CEP104: variants seen among roughly 807,000 people sequenced by gnomAD.
CEP104 encodes the protein centrosomal protein of 104 kDa.
A neutral mutation model predicts 113.3 loss-of-function variants in CEP104; 84 were observed. That is an observed-to-expected ratio of 0.74 (90% CI 0.62 to 0.89). The LOEUF is 0.89. Ranked by LOEUF, CEP104 falls within the 40% of genes least tolerant of loss-of-function variation. The pLI, the probability that CEP104 is intolerant of heterozygous loss-of-function variation, is 0.00. For synonymous variants in CEP104, 378 were observed against 421.7 expected, an observed-to-expected ratio of 0.90 and a Z score of 1.27; for missense variants, 1,053 against 1,156.6, an observed-to-expected ratio of 0.91 and a Z score of 1.30.
At chr1:3,833,815 AAT>A (rs1394797040) in intron 12 of CEP104, 45 bp downstream of exon 12, 1 of 1,576,678 alleles carries the variant, frequency 6.3e-7, no homozygotes, top group African/African-American at 1.3e-5. Flanking sequence ...GAGCTACAGG[AAT>A]ATGTTTATCA....
intron 20 of CEP104, among the ~76,000 whole-genome samples, chr1:3,820,326 TA>T (rs1643946183): frequency 6.6e-6 from 1 of 152,058 alleles, no homozygotes; most frequent in Non-Finnish European, 1.5e-5. Context: ...GGAGGACAAG[TA>T]AAGGTAACAA....
intron 14 of CEP104, 135 bp from the exon 15 acceptor site, chr1:3,829,508 G>A (rs777854593): frequency 2.9e-6 from 2 of 700,472 alleles, no homozygotes; most frequent in Non-Finnish European, 4.7e-6. Flanking sequence ...GTTAGAATAA[G>A]TCTTTTCCAT....
chr1:3,821,927 C>G (rs1164029656), intron 20 of CEP104, among the ~76,000 whole-genome samples: 3 of 152,216 alleles, frequency 2.0e-5, no homozygotes, highest in Non-Finnish European at 4.4e-5. Context: ...TCAGATGCTT[C>G]TGACCTGATG....
chr1:3,825,819 C>A lies in CEP104; in HGVS notation c.2303G>T (p.Gly768Val). 1 of 1,614,046 alleles carries A rather than the reference C, an allele frequency of 6.2e-7. No homozygotes were observed. The highest frequency in any genetic ancestry group is 8.5e-7 in the Non-Finnish European group (1 of 1,179,888). The change falls in exon 18 of 22, where the codon GGT (glycine) becomes GTT (valine). Residue 768 changes from glycine (G) to valine (V), a missense_variant. By Grantham distance (109) the Gly-to-Val change is moderately radical (BLOSUM62 -3). Coordinates refer to ENST00000378230, the MANE Select transcript of CEP104 (RefSeq NM_014704.4). ...GTGCTTCCAGTAGTGGAGATCCAGA[C>A]CTTCCTCTGTGAAGGATTCACTCCT... is the stretch of plus-strand genomic sequence containing the variant. ...GERSESFTEE[G>V]LDLHYWKHCL...
intron 12 of CEP104, chr1:3,833,583 C>T (rs1030725562): frequency 3.1e-6 from 1 of 317,996 alleles, no homozygotes; most frequent in Non-Finnish European, 5.7e-6. Context: ...CAGATTTTCT[C>T]TTTTGATATC....
At chr1:3,816,496 G>A (rs1643883262) in intron 20 of CEP104, 126 bp from the exon 21 acceptor site, 1 of 675,116 alleles carries the variant, frequency 1.5e-6, no homozygotes, top group East Asian at 2.8e-5. Context: ...AGCCGCAGAA[G>A]AACGGCTCCC....
chr1:3,831,679 G>T (rs1399978713), intron 12 of CEP104, among the ~76,000 whole-genome samples: 1 of 152,202 alleles, frequency 6.6e-6, no homozygotes, highest in Non-Finnish European at 1.5e-5. Context: ...TGGAAAAAAT[G>T]TAAGTACCAT....
Position 3,847,628 on chromosome 1 carries a change from A to T in CEP104, c.288-15T>A. On this transcript the variant is annotated splice_polypyrimidine_tract_variant and intron_variant, in intron 3 of 21. Coordinates refer to ENST00000378230, the MANE Select transcript of CEP104 (RefSeq NM_014704.4). ...GAGACACGTAGCTGAAAAACAAAAC[A>T]CAACTGAAGAATTTGAAAATGTGCT... 3 of 1,614,028 alleles carry T rather than the reference A, an allele frequency of 1.9e-6. No individual in the cohort carries two copies. The highest frequency in any genetic ancestry group is 2.5e-6 in the Non-Finnish European group (3 of 1,179,958).
chr1:3,837,201 A>C, intron 9 of CEP104, 91 bp downstream of exon 9: 1 of 1,050,858 alleles, frequency 9.5e-7, no homozygotes, highest in East Asian at 2.6e-5. Flanking sequence ...GCACTCATGC[A>C]CCCCATGCAT....
intron 11 of CEP104, 47 bp from the exon 12 acceptor site, chr1:3,834,082 C>T: frequency 6.9e-7 from 1 of 1,441,888 alleles, no homozygotes; most frequent in Non-Finnish European, 9.7e-7. Flanking sequence ...GGTGCAATTC[C>T]ACCAAGAGGA....
At chr1:3,840,549 A>AT (rs1210420244) in intron 6 of CEP104, among the ~76,000 whole-genome samples, 2 of 148,382 alleles carry the variant, frequency 1.3e-5, no homozygotes, top group Non-Finnish European at 3.0e-5. Context: ...GTATTTTTTT[A>AT]TTTTTTTCTT....
rs1256398996 is a variant in CEP104, at chr1:3,823,801, A to G, written c.2365-239T>C. On this transcript the variant is annotated intron_variant, in intron 18 of 21. Transcript: ENST00000378230. The surrounding 1 kb of genome is among the most constrained non-coding windows in gnomAD (Gnocchi z 4.1). The stretch of plus-strand genomic sequence containing the variant: ...GTCATCTTAGCATCGGGCAGGGGCC[A>G]CTGTCAAGGATGGGGAAGCTACGGT... 6.6e-6 allele frequency among the ~76,000 whole-genome samples: 1 copy of G among 152,188 alleles called. No homozygotes were observed. Among genetic ancestry groups the G allele is most frequent in the Non-Finnish European group, 1.5e-5 (1 of 68,030 alleles).
intron 2 of CEP104, among the ~76,000 whole-genome samples, chr1:3,850,541 G>A (rs1278418262): frequency 1.3e-5 from 2 of 152,148 alleles, no homozygotes; most frequent in Non-Finnish European, 2.9e-5. Flanking sequence ...TAACCGCCCC[G>A]TCAGTGTCTC....
At chr1:3,835,337 A>C (rs1369723089) in intron 10 of CEP104, among the ~76,000 whole-genome samples, 4 of 152,358 alleles carry the variant, frequency 2.6e-5, no homozygotes, top group African/African-American at 7.2e-5. Context: ...AAATTCTCCA[A>C]GAGAAATATT....
chr1:3,815,398 CGCGTCAGCGCTTG>C lies in CEP104; in HGVS notation c.2769_*3del, dbSNP rs1643865154. 1.9e-6 allele frequency: 3 copies of C among 1,601,488 alleles called. No individual in the cohort carries two copies. In the African/African-American group the frequency reaches 4.0e-5, roughly 21 times the overall value. On this transcript the variant is annotated stop_lost and 3_prime_UTR_variant, in exon 22 of 22. Transcript: ENST00000378230. ...CACAGAGACCAAGGAGCCCGAGCGC[CGCGTCAGCGCTTG>C]GCGTACGTCCTGCTGGAGCTCTTGC...
intron 6 of CEP104, among the ~76,000 whole-genome samples, chr1:3,840,530 G>A (rs545893038): frequency 3.8e-4 from 57 of 151,734 alleles, no homozygotes; most frequent in African/African-American, 1.3e-3. Context: ...GAGCCACTGC[G>A]CCCAGCCTGT....
In CEP104 at chr1:3,848,779, A is replaced by C. The variant is rs1269936622; in HGVS notation, c.116T>G (p.Phe39Cys). The C allele has an allele frequency of 6.2e-7, 1 of 1,606,170 alleles. No individual in the cohort carries two copies. Among genetic ancestry groups the C allele is most frequent in the Non-Finnish European group, 8.5e-7 (1 of 1,177,906 alleles). ...PTVSGWRSPRFCQFPQEIVLQ... is the reference protein window; with the variant it reads ...PTVSGWRSPRCCQFPQEIVLQ... The stretch of plus-strand genomic sequence containing the variant: ...GACAATTTCTTGTGGAAACTGGCAA[A>C]ATCTGAAAGCAAACACATTTTTATA... Residue 39 changes from phenylalanine (F) to cysteine (C), a missense_variant and splice_region_variant, in exon 3 of 22, where the codon TTT becomes TGT. By Grantham distance (205) the Phe-to-Cys change is radical (BLOSUM62 -2). Transcript: ENST00000378230.
intron 10 of CEP104, 30 bp from the exon 11 acceptor site, chr1:3,835,122 A>G (rs1644285840): frequency 6.2e-7 from 1 of 1,600,596 alleles, no homozygotes; most frequent in Admixed American, 1.7e-5. Context: ...ATTTCATGGC[A>G]TCACACAACC....
chr1:3,816,658 C>A (rs1240617396), intron 20 of CEP104, among the ~76,000 whole-genome samples: 2 of 152,244 alleles, frequency 1.3e-5, no homozygotes, highest in Admixed American at 1.3e-4. Flanking sequence ...TGACTCTGAG[C>A]ACAGCAGAGC....
Sources: gnomAD v4.1 joint callset for allele counts (sites outside exome capture counted in the v4.1 genomes callset) on GRCh38, gnomAD v4.1.1 for gene constraint, Gnocchi (gnomAD v3.1) non-coding constraint, MANE v1.5 for transcripts, NCBI Gene and HGNC (gene_info 2026-07-23, HGNC 2026-07-21) for gene names.